POLA2: variants seen among roughly 807,000 people sequenced by gnomAD.
POLA2 encodes DNA polymerase alpha 2, accessory subunit, also known as DNA polymerase alpha subunit B.
A neutral mutation model predicts 82.8 loss-of-function variants in POLA2; 47 were observed. The observed-to-expected ratio is 0.57, with a 90% CI of 0.45 to 0.72. POLA2 has a LOEUF of 0.72. Ranked by LOEUF, POLA2 falls within the 30% of genes least tolerant of loss-of-function variation. The probability of loss-of-function intolerance (pLI) is 0.00; values close to 1 mark genes in which losing one functional copy is unlikely to be tolerated. For missense variants in POLA2, 634 were observed against 728.1 expected (o/e 0.87, Z 1.49); for synonymous variants, 287 against 286.8 (o/e 1.00, Z -0.01).
In POLA2 at chr11:65,262,360, T is replaced by C; in HGVS notation, c.68T>C (p.Leu23Pro). Residue 23 changes from leucine to proline, a missense_variant, in exon 1 of 18, where the codon CTA (leucine) becomes CCA (proline). Coordinates refer to ENST00000265465, the MANE Select transcript of POLA2 (RefSeq NM_002689.4). ...TTCGGCCTAGACTGCGAGGAGGCTC[T>C]AATTGAGAAATGTGAGTCCCGCACC... ...QIFGLDCEEA[L>P]IEKLVELCVQ... 6.2e-7 allele frequency: 1 copy of C among 1,613,324 alleles called. No individual in the cohort carries two copies. Among genetic ancestry groups the C allele is most frequent in the Non-Finnish European group, 8.5e-7 (1 of 1,179,512 alleles).
At chr11:65,265,532 G>A (rs962035966) in intron 1 of POLA2, among the ~76,000 whole-genome samples, 10 of 151,930 alleles carry the variant, frequency 6.6e-5, no homozygotes, top group African/African-American at 2.4e-4. Context: ...CCAGGCTGGA[G>A]TATAATGGGC....
chr11:65,276,139 A>G (rs536745449), intron 5 of POLA2, 141 bp downstream of exon 5: 23 of 460,310 alleles, frequency 5.0e-5, no homozygotes, highest in Admixed American at 3.0e-4. Context: ...TTGAAAGCCT[A>G]TTGCTCTCTG....
intron 5 of POLA2, among the ~76,000 whole-genome samples, chr11:65,278,153 T>C (rs1424087284): frequency 6.6e-6 from 1 of 152,218 alleles, no homozygotes; most frequent in Non-Finnish European, 1.5e-5. Flanking sequence ...ATGTGAGAAC[T>C]TGGCAGTTGA....
chr11:65,289,094 T>C lies in POLA2; in HGVS notation c.1170+6T>C. On this transcript the variant is annotated splice_donor_region_variant and intron_variant, in intron 12 of 17. Transcript: ENST00000265465. The stretch of plus-strand genomic sequence containing the variant: ...CTAAGCATGAACAGGTGGAGGTGAG[T>C]GGGCTGGGGTGGGAAGGGGTCCTGG... 6.2e-7 allele frequency: 1 copy of C among 1,608,348 alleles called. No homozygotes were observed. The highest frequency in any genetic ancestry group is 1.1e-5 in the South Asian group (1 of 90,414).
Position 65,266,569 on chromosome 11 carries a change from T to G in POLA2, c.80-13T>G, listed in dbSNP as rs1263910020. ...GAACTAAGTTTTTACTTGTCCAATT[T>G]TCCTTTCTACAGTGGTAGAGCTTTG... On this transcript the variant is annotated splice_polypyrimidine_tract_variant and intron_variant, in intron 1 of 17. Transcript: ENST00000265465. The G allele has an allele frequency of 6.2e-7, 1 of 1,613,326 alleles. No homozygotes were observed. The highest frequency in any genetic ancestry group is 1.1e-5 in the South Asian group (1 of 91,026).
intron 9 of POLA2, among the ~76,000 whole-genome samples, chr11:65,282,164 C>T (rs1184836095): frequency 1.3e-5 from 2 of 152,232 alleles, no homozygotes; most frequent in Non-Finnish European, 2.9e-5. Flanking sequence ...AAACCATTCT[C>T]TCCCATCCTT....
Position 65,275,885 on chromosome 11 carries a change from TC to T in POLA2, c.355-4del, listed in dbSNP as rs771002366. The T allele has an allele frequency of 7.6e-6, 12 of 1,569,788 alleles. No homozygotes were observed. Among genetic ancestry groups the T allele is most frequent in the Non-Finnish European group, 1.0e-5 (12 of 1,143,364 alleles). On this transcript the variant is annotated splice_region_variant and splice_polypyrimidine_tract_variant and intron_variant, in intron 4 of 17. Coordinates refer to ENST00000265465, the MANE Select transcript of POLA2 (RefSeq NM_002689.4). ...ACTGAGATTTTGTTTTCCTTTTTTT[TC>T]CCTAGGGTTCTCAGAAGCGAGCTAT...
intron 14 of POLA2, 81 bp downstream of exon 14, chr11:65,294,342 G>C (rs1445647767): frequency 5.8e-6 from 7 of 1,201,550 alleles, no homozygotes; most frequent in Admixed American, 1.7e-5. Context: ...GAAGGGGAGG[G>C]TGGAGAGGCC....
chr11:65,305,579 C>T (rs984349805), exon 9 of POLA2: 7 of 361,742 alleles, frequency 1.9e-5, no homozygotes, highest in Admixed American at 7.6e-5. Flanking sequence ...GAGGCCAAGG[C>T]GGGAGGATGG....
intron 1 of POLA2, among the ~76,000 whole-genome samples, chr11:65,264,870 T>C (rs921813052): frequency 6.6e-6 from 1 of 152,222 alleles, no homozygotes; most frequent in African/African-American, 2.4e-5. Flanking sequence ...GCTTCCAATC[T>C]TGCCTTTAAA....
intron 15 of POLA2, 101 bp from the exon 16 acceptor site, chr11:65,295,438 GC>G: frequency 2.0e-6 from 2 of 1,003,090 alleles, no homozygotes; most frequent in Non-Finnish European, 3.1e-6. Flanking sequence ...CTGTGCCTTG[GC>G]CATTTACCTT....
At chr11:65,277,408 C>A (rs1949593302) in intron 5 of POLA2, among the ~76,000 whole-genome samples, 1 of 152,074 alleles carries the variant, frequency 6.6e-6, no homozygotes, top group African/African-American at 2.4e-5. Context: ...GAACTCCTGG[C>A]CTCAAGCAAT....
intron 4 of POLA2, among the ~76,000 whole-genome samples, chr11:65,275,050 A>G (rs1016739230): frequency 6.6e-6 from 1 of 152,222 alleles, no homozygotes; most frequent in African/African-American, 2.4e-5. Context: ...ATATCAGGGT[A>G]GTAGAATAAG....
chr11:65,267,632 G>C (rs1949475726), intron 3 of POLA2, 64 bp downstream of exon 3: 2 of 1,080,034 alleles, frequency 1.9e-6, no homozygotes, highest in Non-Finnish European at 1.4e-6. Context: ...TTTGTCTGTA[G>C]TCGCATGTGT....
At chr11:65,286,871 G>A (rs1354652905) in intron 10 of POLA2, among the ~76,000 whole-genome samples, 1 of 152,216 alleles carries the variant, frequency 6.6e-6, no homozygotes, top group African/African-American at 2.4e-5. Context: ...GTAGCTCACA[G>A]ACTGGACACG....
At chr11:65,292,178 A>G (rs1464473069) in intron 13 of POLA2, among the ~76,000 whole-genome samples, 1 of 152,120 alleles carries the variant, frequency 6.6e-6, no homozygotes, top group African/African-American at 2.4e-5. Flanking sequence ...AGAGGTTGCA[A>G]TGAGCCGAGA....
intron 10 of POLA2, among the ~76,000 whole-genome samples, chr11:65,283,161 G>C (rs946658175): frequency 1.3e-5 from 2 of 152,084 alleles, no homozygotes; most frequent in Non-Finnish European, 2.9e-5. Context: ...TTAATTTTTT[G>C]AAAGTATAAT....
At chr11:65,287,132 T>C (rs568310894) in intron 10 of POLA2, among the ~76,000 whole-genome samples, 1 of 152,226 alleles carries the variant, frequency 6.6e-6, no homozygotes, top group Non-Finnish European at 1.5e-5. Context: ...TACAGCCCCA[T>C]GTAGACTGCC....
At chr11:65,278,964 C>A (rs1374944357) in intron 6 of POLA2, 41 bp downstream of exon 6, 2 of 1,568,494 alleles carry the variant, frequency 1.3e-6, no homozygotes, top group South Asian at 1.1e-5. Flanking sequence ...GATATAAAAC[C>A]ACCTAGAAGG....
Sources: allele counts gnomAD v4.1 joint callset (sites outside exome capture counted in the v4.1 genomes callset), GRCh38; gene constraint gnomAD v4.1.1; transcripts MANE v1.5; gene names NCBI Gene and HGNC (gene_info 2026-07-23, HGNC 2026-07-21).